The following CASC3 variants were observed in gnomAD, a reference collection of about 807,000 sequenced individuals.
The protein encoded by CASC3 is CASC3 exon junction complex subunit, also known as protein CASC3.
A neutral mutation model predicts 80.5 loss-of-function variants in CASC3; 30 were observed. The observed-to-expected ratio is 0.37, with a 90% confidence interval of 0.28 to 0.51. The LOEUF is 0.51. CASC3 is among the 20% of genes least tolerant of loss of function. The pLI is 0.94. For missense variants in CASC3, 824 were observed against 922.2 expected (o/e 0.89, Z 1.38); for synonymous variants, 312 against 333.6 (o/e 0.94, Z 0.70).
intron 3 of CASC3, among the ~76,000 whole-genome samples, chr17:40,154,213 T>C (rs923682398): frequency 3.3e-5 from 5 of 151,684 alleles, no homozygotes; most frequent in Admixed American, 6.6e-5. Flanking sequence ...TTTTTAATTA[T>C]TGTTTTTATT....
At chr17:40,160,556 TTA>T (rs1184287247) in intron 3 of CASC3, among the ~76,000 whole-genome samples, 1 of 152,144 alleles carries the variant, frequency 6.6e-6, no homozygotes, top group Non-Finnish European at 1.5e-5. Context: ...TAAGCTCCTC[TTA>T]TATGTTAGGT....
At chr17:40,157,417 T>G (rs1033938349) in intron 3 of CASC3, among the ~76,000 whole-genome samples, 10 of 152,130 alleles carry the variant, frequency 6.6e-5, no homozygotes, top group African/African-American at 2.4e-4. Flanking sequence ...GCCTCATGCC[T>G]GTAATCCCAG....
chr17:40,162,577 A>C, intron 5 of CASC3, 148 bp from the exon 6 acceptor site: 4 of 669,554 alleles, frequency 6.0e-6, no homozygotes, highest in Non-Finnish European at 9.9e-6. Flanking sequence ...TGCTTTGGGG[A>C]GGCCTGTTTT....
chr17:40,168,366 T>G lies in CASC3; in HGVS notation c.1914T>G (p.Ala638=). The G allele has an allele frequency of 1.2e-6, 2 of 1,614,046 alleles. No homozygotes were observed. The highest frequency in any genetic ancestry group is 1.1e-5 in the South Asian group (1 of 91,078). The part of the protein sequence containing the change: ...MNFGNPSYPY[A]PGALPPPPPP... ...TTGGTAATCCCAGTTACCCTTATGC[T>G]CCAGGGGCACTGCCTCCCCCACCAC... The change falls in exon 11 of 14, where the codon GCT becomes GCG. Residue 638 remains alanine (A), a synonymous_variant. Transcript: ENST00000264645.
Position 40,153,680 on chromosome 17 carries a change from G to A in CASC3, c.298-8073G>A, listed in dbSNP as rs151149885. 9.0e-3 allele frequency among the ~76,000 whole-genome samples: 1,364 copies of A among 152,164 alleles called. 21 individuals are homozygous for A. The highest frequency in any genetic ancestry group is 0.031 in the African/African-American group (1,307 of 41,514). On this transcript the variant is annotated intron_variant, in intron 3 of 13. Coordinates refer to ENST00000264645, the MANE Select transcript of CASC3 (RefSeq NM_007359.5). Reference sequence around the variant, plus strand: ...AGCACTTGTTGTGTTATTTACCCAGGTGCATGCCTGTACTCTCAGCTACTC... The same window carrying A: ...AGCACTTGTTGTGTTATTTACCCAGATGCATGCCTGTACTCTCAGCTACTC...
chr17:40,151,148 A>G (rs1158534664), intron 3 of CASC3, among the ~76,000 whole-genome samples: 8 of 152,020 alleles, frequency 5.3e-5, no homozygotes, highest in Admixed American at 6.6e-5. Context: ...GGCAGGAGGA[A>G]TGGTCGGCCC....
chr17:40,164,823 T>G lies in CASC3; in HGVS notation c.1471+657T>G, dbSNP rs912747874. On this transcript the variant is annotated intron_variant, in intron 7 of 13. Coordinates refer to ENST00000264645, the MANE Select transcript of CASC3 (RefSeq NM_007359.5). ...CAGGCTGGAGTGCAGTGGCACGATC[T>G]TGGCTCACTACAACCTCTGCGTCCA... Among the ~76,000 whole-genome samples the G allele has an allele frequency of 5.7e-5, 8 of 139,366 alleles. No individual in the cohort carries two copies. The East Asian group carries it at 6.7e-4, about 12-fold the overall frequency. The allele number at this position is 139,366 out of a possible 152,430, so 91.4% of individuals were successfully genotyped here.
At position 40,161,792 on chromosome 17, in the gene CASC3, G is replaced by A; in HGVS notation, c.337G>A (p.Val113Met). Residue 113 changes from valine to methionine, a missense_variant, in exon 4 of 14, where the codon GTG becomes ATG. Val to Met is a conservative substitution (Grantham distance 21). Coordinates refer to ENST00000264645, the MANE Select transcript of CASC3 (RefSeq NM_007359.5). The stretch of plus-strand genomic sequence containing the variant: ...ATACAGTGAAGAGGAAAACTCCAAA[G>A]TGGAGCTGAAATCAGAAGCTAATGA... The part of the protein sequence containing the change: ...GEYSEEENSK[V>M]ELKSEANDAV... 6.2e-7 allele frequency: 1 copy of A among 1,614,166 alleles called. No homozygotes were observed. Among genetic ancestry groups the A allele is most frequent in the South Asian group, 1.1e-5 (1 of 91,086 alleles).
At chr17:40,164,243 G>A in intron 7 of CASC3, 77 bp downstream of exon 7, 1 of 1,151,032 alleles carries the variant, frequency 8.7e-7, no homozygotes, top group Non-Finnish European at 1.2e-6. Context: ...TTCTGTCTCA[G>A]GAAGGTGGTG....
At chr17:40,161,590 A>G (rs576717111) in intron 3 of CASC3, among the ~76,000 whole-genome samples, 163 bp from the exon 4 acceptor site, 4 of 152,122 alleles carry the variant, frequency 2.6e-5, no homozygotes, top group African/African-American at 9.6e-5. Context: ...GAGGCAGGAG[A>G]ATTGCTTGAC....
At chr17:40,162,205 G>C in intron 5 of CASC3, 52 bp downstream of exon 5, 1 of 1,550,138 alleles carries the variant, frequency 6.5e-7, no homozygotes, top group Non-Finnish European at 8.7e-7. Flanking sequence ...ACACATGTAG[G>C]CCAGGTACTT....
In CASC3 at chr17:40,167,872, T is replaced by C. The variant is rs772729145; in HGVS notation, c.1674T>C (p.Tyr558=). ...CAGTGCAGTTCCAGGGACCAATCTA[T>C]ACCCATGGTGACAGCCCTGCCCCGC... ...YDPLQFQGPI[Y]THGDSPAPLP... is the part of the protein sequence containing the mutation. The change falls in exon 10 of 14, where the codon TAT becomes TAC. Residue 558 remains tyrosine (Y), a synonymous_variant. Coordinates refer to ENST00000264645, the MANE Select transcript of CASC3 (RefSeq NM_007359.5). 1.2e-6 allele frequency: 2 copies of C among 1,614,094 alleles called. No individual in the cohort carries two copies. Among genetic ancestry groups the C allele is most frequent in the South Asian group, 2.2e-5 (2 of 91,084 alleles).
chr17:40,165,437 G>A (rs1989424308), intron 7 of CASC3, among the ~76,000 whole-genome samples: 2 of 152,102 alleles, frequency 1.3e-5, no homozygotes, highest in African/African-American at 4.8e-5. Context: ...GAACTCCTGG[G>A]CTCAAGAGAT....
At chr17:40,166,746 C>A (rs1269924430) in intron 7 of CASC3, 51 bp from the exon 8 acceptor site, 1 of 1,255,506 alleles carries the variant, frequency 8.0e-7, no homozygotes, top group South Asian at 1.5e-5. Context: ...ATCTTTGAGT[C>A]CCACTCACGT....
chr17:40,171,762 G>T lies in CASC3; in HGVS notation c.*1357G>T. On this transcript the variant is annotated 3_prime_UTR_variant, in exon 14 of 14. Transcript: ENST00000264645. The stretch of plus-strand genomic sequence containing the variant: ...TCCTTCTACAGAACCTGAGGGCAAA[G>T]ATGGTGGCTGTGTCTCTCCCCGGTA... 2 of 1,158,460 alleles carry T rather than the reference G, an allele frequency of 1.7e-6. No homozygotes were observed. Among genetic ancestry groups the T allele is most frequent in the African/African-American group, 3.2e-5 (2 of 62,314 alleles). 71.8% of individuals were successfully genotyped at this position (1,158,460 alleles called of 1,614,324 possible).
At chr17:40,140,942 G>A (rs1323266859) in intron 1 of CASC3, 163 bp downstream of exon 1, 3 of 651,088 alleles carry the variant, frequency 4.6e-6, no homozygotes, top group Non-Finnish European at 7.7e-6. Context: ...TGCATCCGGA[G>A]TTCCAAGGGA....
chr17:40,141,537 T>G, intron 2 of CASC3, 33 bp from the exon 3 acceptor site: 1 of 1,603,766 alleles, frequency 6.2e-7, no homozygotes, highest in Non-Finnish European at 8.5e-7. Flanking sequence ...TTTCTGGGTT[T>G]CTTTTTTTCC....
At chr17:40,151,845 G>A (rs2044386472) in intron 3 of CASC3, among the ~76,000 whole-genome samples, 1 of 152,106 alleles carries the variant, frequency 6.6e-6, no homozygotes, top group Admixed American at 6.6e-5. Context: ...AGATTTATGT[G>A]TCTGGCCTCT....
At chr17:40,150,440 G>GTGTA (rs1479511982) in intron 3 of CASC3, among the ~76,000 whole-genome samples, 1 of 151,688 alleles carries the variant, frequency 6.6e-6, no homozygotes, top group African/African-American at 2.4e-5. Context: ...GTGTGTGTGT[G>GTGTA]TGTGTAACCC....
Sources: gnomAD v4.1 joint callset for allele counts (sites outside exome capture counted in the v4.1 genomes callset) on GRCh38, gnomAD v4.1.1 for gene constraint, MANE v1.5 for transcripts, NCBI Gene and HGNC (gene_info 2026-07-23, HGNC 2026-07-21) for gene names.